The following RNF24 variants were observed in gnomAD, a reference collection of about 807,000 sequenced individuals.
The protein encoded by RNF24 is ring finger protein 24.
RNF24 carries 14 observed loss-of-function variants against 20.0 expected under a neutral mutation model. That is an observed-to-expected ratio of 0.70 (90% confidence interval 0.46 to 1.10). The LOEUF is 1.10. Ranked by LOEUF, RNF24 falls within the 50% of genes least tolerant of loss-of-function variation. The probability of loss-of-function intolerance (pLI) is 0.00; values close to 1 mark genes in which losing one functional copy is unlikely to be tolerated. For missense variants in RNF24, 124 were observed against 177.6 expected (o/e 0.70, Z 1.71); for synonymous variants, 45 against 61.1 (o/e 0.74, Z 1.23).
chr20:3,960,969 T>A (rs1177420207), intron 2 of RNF24, among the ~76,000 whole-genome samples: 1 of 152,062 alleles, frequency 6.6e-6, no homozygotes, highest in Non-Finnish European at 1.5e-5. Flanking sequence ...AATTTTTGTA[T>A]TTTTAGTAGA....
intron 1 of RNF24, among the ~76,000 whole-genome samples, chr20:4,010,490 C>T (rs1982375659): frequency 6.6e-6 from 1 of 152,194 alleles, no homozygotes; most frequent in South Asian, 2.1e-4. Flanking sequence ...GAAATTCTTG[C>T]AAACAATATA....
At chr20:4,011,818 T>C (rs1982481357) in intron 1 of RNF24, among the ~76,000 whole-genome samples, 1 of 152,018 alleles carries the variant, frequency 6.6e-6, no homozygotes, top group African/African-American at 2.4e-5. Context: ...CAAGTATGAG[T>C]GGGAAATGGA....
intron 1 of RNF24, among the ~76,000 whole-genome samples, chr20:3,993,543 T>C (rs191633929): frequency 3.9e-5 from 6 of 152,282 alleles, no homozygotes; most frequent in Non-Finnish European, 5.9e-5. Flanking sequence ...CACTTCAGCC[T>C]CCCAAAGTGC....
At chr20:4,014,080 G>A (rs901056370) in intron 1 of RNF24, among the ~76,000 whole-genome samples, 4 of 152,284 alleles carry the variant, frequency 2.6e-5, no homozygotes, top group Admixed American at 6.5e-5. Flanking sequence ...AACCTACAGC[G>A]CTTCCTTCTC....
At chr20:3,943,718 C>CA (rs919769849) in intron 4 of RNF24, among the ~76,000 whole-genome samples, 5 of 152,074 alleles carry the variant, frequency 3.3e-5, no homozygotes, top group African/African-American at 1.2e-4. Context: ...ATGCAACACA[C>CA]AATGTATTTA....
chr20:3,990,166 T>C (rs1017661641), intron 1 of RNF24, among the ~76,000 whole-genome samples: 31 of 152,108 alleles, frequency 2.0e-4, no homozygotes, highest in African/African-American at 7.2e-4. Context: ...AATGAAATTA[T>C]GAAAATATTA....
chr20:3,945,019 A>C (rs1004251446), intron 4 of RNF24, among the ~76,000 whole-genome samples, 158 bp downstream of exon 4: 2 of 152,292 alleles, frequency 1.3e-5, no homozygotes, highest in Admixed American at 1.3e-4. Flanking sequence ...GCCTTCACAC[A>C]ATTGATTTTT....
At chr20:3,995,137 G>A (rs996054708) in intron 1 of RNF24, among the ~76,000 whole-genome samples, 7 of 152,170 alleles carry the variant, frequency 4.6e-5, no homozygotes, top group Admixed American at 4.6e-4. Context: ...GCCCCACCAC[G>A]GGGACTTGTA....
In RNF24 at chr20:3,963,869, G is replaced by A. The variant is rs775550065; in HGVS notation, c.143+6C>T. 2.6e-6 allele frequency: 4 copies of A among 1,550,908 alleles called. No individual in the cohort carries two copies. Among genetic ancestry groups the A allele is most frequent in the Middle Eastern group, 1.7e-4 (1 of 5,850 alleles). Reference sequence around the variant, plus strand: ...TTTGAAGTAACATAGAATGAAAATTGGTTACCTAATCAAGTAGCAACAGAA... The same window carrying A: ...TTTGAAGTAACATAGAATGAAAATTAGTTACCTAATCAAGTAGCAACAGAA... On this transcript the variant is annotated splice_donor_region_variant and intron_variant, in intron 2 of 5. Transcript: ENST00000358395.
intron 3 of RNF24, 93 bp from the exon 4 acceptor site, chr20:3,945,311 A>C: frequency 8.3e-7 from 1 of 1,209,882 alleles, no homozygotes; most frequent in Non-Finnish European, 1.1e-6. Context: ...TTTTGTATAT[A>C]TGGCTCATTT....
At chr20:4,008,378 ATAATAT>A (rs1247321976) in intron 1 of RNF24, among the ~76,000 whole-genome samples, 2 of 16,042 alleles carry the variant, frequency 1.2e-4, no homozygotes, top group African/African-American at 5.0e-4. Context: ...TATTATATAT[ATAATAT>A]ATATATTATA....
Position 3,932,764 on chromosome 20 carries a change from G to T in RNF24, c.*1299C>A, listed in dbSNP as rs960782224. The T allele has an allele frequency of 7.6e-6, 3 of 397,328 alleles. No homozygotes were observed. The highest frequency in any genetic ancestry group is 4.4e-6 in the Non-Finnish European group (1 of 225,820). The allele number at this position is 397,328 out of a possible 1,614,324, so 24.6% of individuals were successfully genotyped here. A position where few individuals can be genotyped will look rare whatever the true frequency, so the allele number is the denominator to read the frequency against. ...AGGCGGAGAGCAGGGCTGTGGAAAA[G>T]AATTTTCCATCTGACCTGCTACTTT... On this transcript the variant is annotated 3_prime_UTR_variant, in exon 6 of 6. Coordinates refer to ENST00000358395, the MANE Select transcript of RNF24 (RefSeq NM_001134337.3).
At chr20:4,002,182 G>A (rs997450180) in intron 1 of RNF24, among the ~76,000 whole-genome samples, 3 of 151,968 alleles carry the variant, frequency 2.0e-5, no homozygotes, top group Non-Finnish European at 4.4e-5. Flanking sequence ...TCAGGAGATC[G>A]AGACCATCTT....
rs750463782 is a variant in RNF24 at position 3,928,059 on chromosome 20, T to A, written c.*6004A>T. On this transcript the variant is annotated 3_prime_UTR_variant, in exon 6 of 6. Coordinates refer to ENST00000358395, the MANE Select transcript of RNF24 (RefSeq NM_001134337.3). The stretch of plus-strand genomic sequence containing the variant: ...ACACTCCCCAGCACATGGGGATCCC[T>A]TATTAATCTTTACTAAAGAACCGTG... 1 of 152,196 alleles carries A rather than the reference T, an allele frequency of 6.6e-6. No individual in the cohort carries two copies. Among genetic ancestry groups the A allele is most frequent in the African/African-American group, 2.4e-5 (1 of 41,444 alleles). The allele number at this position is 152,196 out of a possible 1,614,324, so 9.4% of individuals were successfully genotyped here.
At chr20:3,985,449 C>T (rs1158559723) in intron 1 of RNF24, among the ~76,000 whole-genome samples, 1 of 151,774 alleles carries the variant, frequency 6.6e-6, no homozygotes, top group Non-Finnish European at 1.5e-5. Context: ...TGTTTTTTAT[C>T]CTTTCCAGCC....
chr20:4,005,593 C>CT (rs946599378), intron 1 of RNF24, among the ~76,000 whole-genome samples: 1 of 152,104 alleles, frequency 6.6e-6, no homozygotes, highest in Non-Finnish European at 1.5e-5. Context: ...TATCTGTCAA[C>CT]TTTTTTCATT....
chr20:3,980,401 C>A (rs1340903576), intron 1 of RNF24, among the ~76,000 whole-genome samples: 4 of 152,150 alleles, frequency 2.6e-5, no homozygotes, highest in African/African-American at 7.2e-5. Context: ...AGGTAGTGTA[C>A]ACAGCATGCA....
At position 3,998,163 on chromosome 20, in the gene RNF24, A is replaced by G. The variant is rs567332507; in HGVS notation, c.-8+17274T>C. On this transcript the variant is annotated intron_variant, in intron 1 of 5. Coordinates refer to ENST00000358395, the MANE Select transcript of RNF24 (RefSeq NM_001134337.3). The stretch of plus-strand genomic sequence containing the variant: ...TCACATAAGAATAAAAAATGTGGCC[A>G]GGCGTGGTGGCTCAGGCTTGTAATC... 3.3e-5 allele frequency among the ~76,000 whole-genome samples: 5 copies of G among 152,300 alleles called. No homozygotes were observed. In the South Asian group the frequency reaches 6.2e-4, roughly 19 times the overall value.
intron 1 of RNF24, among the ~76,000 whole-genome samples, chr20:4,014,494 A>C (rs1358893679): frequency 3.9e-5 from 6 of 152,196 alleles, no homozygotes. Context: ...AGACATGAGA[A>C]TCTTACCATT....
Sources: gnomAD v4.1 joint callset for allele counts (sites outside exome capture counted in the v4.1 genomes callset) on GRCh38, gnomAD v4.1.1 for gene constraint, MANE v1.5 for transcripts, NCBI Gene and HGNC (gene_info 2026-07-23, HGNC 2026-07-21) for gene names.